MYCBP2: variants seen among roughly 807,000 people sequenced by gnomAD.
The protein encoded by MYCBP2 is MYC binding protein 2, also known as E3 ubiquitin-protein ligase MYCBP2.
A neutral mutation model predicts 525.3 loss-of-function variants in MYCBP2; 120 were observed. The ratio of observed to expected loss-of-function variants is 0.23; its 90% CI spans 0.20 to 0.27. The LOEUF (loss-of-function observed/expected upper bound fraction) is 0.27, where lower values mean the gene tolerates loss of function less well. MYCBP2 is among the 10% of genes least tolerant of loss of function. MYCBP2 has a pLI of 1.00. For synonymous variants in MYCBP2, 1,894 were observed against 1,955.8 expected (o/e 0.97, Z 0.83); for missense variants, 4,149 against 5,657.1 (o/e 0.73, Z 8.55).
At chr13:77,068,950 T>A (rs2040646874) in intron 69 of MYCBP2, 119 bp from the exon 70 acceptor site, 1 of 970,644 alleles carries the variant, frequency 1.0e-6, no homozygotes, top group Non-Finnish European at 1.5e-6. Context: ...AATTTAATAC[T>A]ATTCTCCCAG....
intron 4 of MYCBP2, among the ~76,000 whole-genome samples, 179 bp from the exon 5 acceptor site, chr13:77,273,847 A>C (rs1377534192): frequency 3.3e-5 from 5 of 152,198 alleles, no homozygotes; most frequent in African/African-American, 1.2e-4. Context: ...TTATGTAACA[A>C]GGGTCTTAAA....
chr13:77,290,062 A>G (rs2077312501), intron 2 of MYCBP2, among the ~76,000 whole-genome samples: 1 of 152,202 alleles, frequency 6.6e-6, no homozygotes, highest in Non-Finnish European at 1.5e-5. Context: ...CAAATGGGCA[A>G]AAGATAGGAA....
chr13:77,208,510 A>G (rs1465245503), intron 23 of MYCBP2, among the ~76,000 whole-genome samples: 2 of 152,232 alleles, frequency 1.3e-5, no homozygotes, highest in African/African-American at 4.8e-5. Context: ...TATTTGGTAT[A>G]CCCAGACTAC....
At chr13:77,147,915 T>C (rs1229109443) in intron 47 of MYCBP2, among the ~76,000 whole-genome samples, 4 of 152,130 alleles carry the variant, frequency 2.6e-5, no homozygotes, top group African/African-American at 9.6e-5. Context: ...CAGATACTGT[T>C]TGGGAATGGT....
At chr13:77,263,317 T>G (rs1323043982) in intron 10 of MYCBP2, among the ~76,000 whole-genome samples, 1 of 152,010 alleles carries the variant, frequency 6.6e-6, no homozygotes, top group East Asian at 1.9e-4. Flanking sequence ...TTTTAAATAG[T>G]TGAAAAATGA....
intron 80 of MYCBP2, among the ~76,000 whole-genome samples, chr13:77,054,766 A>G (rs1444849335): frequency 6.6e-6 from 1 of 152,006 alleles, no homozygotes; most frequent in Non-Finnish European, 1.5e-5. Flanking sequence ...CTACCTGTCT[A>G]ATTTTTGTAT....
chr13:77,079,021 C>T (rs778542799), intron 65 of MYCBP2, 132 bp from the exon 66 acceptor site: 7 of 670,904 alleles, frequency 1.0e-5, no homozygotes, highest in Non-Finnish European at 1.8e-5. Flanking sequence ...TTGACCCCAC[C>T]CCATCCCTCC....
chr13:77,141,015 A>G (rs2054528918), intron 49 of MYCBP2, 72 bp from the exon 50 acceptor site: 3 of 1,045,578 alleles, frequency 2.9e-6, no homozygotes, highest in Non-Finnish European at 2.9e-6. Flanking sequence ...CTAATCTTAT[A>G]AACATCCACA....
At chr13:77,213,093 T>C (rs1415509483) in intron 21 of MYCBP2, among the ~76,000 whole-genome samples, 1 of 152,160 alleles carries the variant, frequency 6.6e-6, no homozygotes, top group Admixed American at 6.6e-5. Context: ...AGCACATGAT[T>C]AGAGAAGCAG....
At chr13:77,239,841 A>G (rs1350536092) in intron 17 of MYCBP2, among the ~76,000 whole-genome samples, 3 of 152,244 alleles carry the variant, frequency 2.0e-5, no homozygotes, top group South Asian at 4.1e-4. Flanking sequence ...TTTTTTAAAA[A>G]GCAAAGGTAA....
At chr13:77,235,673 T>C (rs1212882775) in intron 17 of MYCBP2, among the ~76,000 whole-genome samples, 3 of 152,096 alleles carry the variant, frequency 2.0e-5, no homozygotes, top group Admixed American at 1.3e-4. Context: ...ATAAACAAGA[T>C]ACAATCTCTG....
At chr13:77,191,531 A>C in intron 28 of MYCBP2, 148 bp downstream of exon 28, 1 of 875,468 alleles carries the variant, frequency 1.1e-6, no homozygotes, top group Admixed American at 3.0e-5. Context: ...ATTTGGCATG[A>C]GGTTACATGA....
chr13:77,303,610 T>A (rs1425839119), intron 1 of MYCBP2, among the ~76,000 whole-genome samples: 5 of 151,218 alleles, frequency 3.3e-5, no homozygotes, highest in Non-Finnish European at 7.4e-5. Flanking sequence ...AAACAAGACT[T>A]CTAAATAAAC....
chr13:77,321,853 T>C (rs530595179), intron 1 of MYCBP2, among the ~76,000 whole-genome samples: 1 of 152,322 alleles, frequency 6.6e-6, no homozygotes, highest in Admixed American at 6.5e-5. Context: ...GGCCAATGGT[T>C]AGTGCCAAGT....
intron 14 of MYCBP2, among the ~76,000 whole-genome samples, chr13:77,255,476 T>C (rs2072016386): frequency 6.6e-6 from 1 of 151,904 alleles, no homozygotes. Context: ...AGTTTCAGAA[T>C]AAGGAAACAA....
At chr13:77,229,791 T>C (rs1018715817) in intron 18 of MYCBP2, among the ~76,000 whole-genome samples, 2 of 152,152 alleles carry the variant, frequency 1.3e-5, no homozygotes, top group African/African-American at 4.8e-5. Flanking sequence ...TGAAGCCTAA[T>C]TCCAAAGGCT....
intron 15 of MYCBP2, among the ~76,000 whole-genome samples, chr13:77,249,823 T>G (rs1273992656): frequency 1.3e-5 from 2 of 152,222 alleles, no homozygotes; most frequent in Non-Finnish European, 2.9e-5. Flanking sequence ...AGTTAGGTGC[T>G]TAAAAAACAG....
Position 77,061,780 on chromosome 13 carries a change from T to C in MYCBP2, c.12785A>G (p.Asp4262Gly). 1.9e-6 allele frequency: 3 copies of C among 1,602,510 alleles called. No homozygotes were observed. Among genetic ancestry groups the C allele is most frequent in the South Asian group, 2.2e-5 (2 of 89,676 alleles). ...DGQQKQMPMC[D>G]NHDDGETAAI... ...TGCAGTTTCACCATCATCATGGTTA[T>C]CACACATAGGCTAAAATAAGACATT... The change falls in exon 75 of 83, where the codon GAT becomes GGT. Residue 4262 changes from aspartate (D) to glycine (G), a missense_variant. This residue lies in a region of MYCBP2 where 220 missense variants were observed against 396.0 expected (regional missense o/e 0.56). Transcript: ENST00000544440.
At chr13:77,227,716 C>T (rs531237388) in intron 18 of MYCBP2, among the ~76,000 whole-genome samples, 26 of 152,098 alleles carry the variant, frequency 1.7e-4, no homozygotes, top group African/African-American at 6.3e-4. Context: ...GTATTGATGC[C>T]TAGTTATAAG....
Sources: allele counts gnomAD v4.1 joint callset (sites outside exome capture counted in the v4.1 genomes callset), GRCh38; gene constraint gnomAD v4.1.1; regional missense constraint gnomAD v4.1.1; transcripts MANE v1.5; gene names NCBI Gene and HGNC (gene_info 2026-07-23, HGNC 2026-07-21).